The following RUNX2 variants were observed in gnomAD, a reference collection of about 807,000 sequenced individuals.
The protein encoded by RUNX2 is runt-related transcription factor 2.
RUNX2 carries 10 observed loss-of-function variants against 51.7 expected under a neutral mutation model. The observed-to-expected ratio is 0.19, with a 90% confidence interval of 0.12 to 0.33. The LOEUF (loss-of-function observed/expected upper bound fraction) is 0.33, where lower values mean the gene tolerates loss of function less well. RUNX2 is among the 10% of genes least tolerant of loss of function. The pLI, the probability that RUNX2 is intolerant of heterozygous loss-of-function variation, is 1.00. For missense variants in RUNX2, 562 were observed against 691.3 expected (o/e 0.81, Z 2.10); for synonymous variants, 276 against 273.6 (o/e 1.01, Z -0.09).
At chr6:45,411,282 G>A (rs962169951) in intron 2 of RUNX2, among the ~76,000 whole-genome samples, 12 of 152,122 alleles carry the variant, frequency 7.9e-5, no homozygotes, top group East Asian at 1.9e-4. Flanking sequence ...AATGACTGAC[G>A]GATTGTTTGG....
rs776247579 is a variant in RUNX2 at position 45,437,972 on chromosome 6, C to A, written c.606C>A (p.Thr202=). 2 of 1,613,050 alleles carry A rather than the reference C, an allele frequency of 1.2e-6. No individual in the cohort carries two copies. Among genetic ancestry groups the A allele is most frequent in the East Asian group, 2.2e-5 (1 of 44,856 alleles). ...GCAAGAGTTTCACCTTGACCATAAC[C>A]GTCTTCACAAATCCTCCCCAAGTAG... ...GRGKSFTLTI[T]VFTNPPQVAT... Residue 202 remains threonine (T), a synonymous_variant, in exon 5 of 9, where the codon ACC becomes ACA. Coordinates refer to ENST00000647337, the MANE Select transcript of RUNX2 (RefSeq NM_001024630.4).
intron 2 of RUNX2, among the ~76,000 whole-genome samples, chr6:45,344,530 G>T (rs1348250615): frequency 6.6e-6 from 1 of 151,574 alleles, no homozygotes; most frequent in African/African-American, 2.4e-5. Context: ...TGAACGTCTA[G>T]AACAGTAACA....
At chr6:45,388,235 C>T (rs1424742273) in intron 2 of RUNX2, among the ~76,000 whole-genome samples, 1 of 152,168 alleles carries the variant, frequency 6.6e-6, no homozygotes, top group Non-Finnish European at 1.5e-5. Flanking sequence ...TTGAAGCAGA[C>T]CATACCTAAT....
intron 2 of RUNX2, among the ~76,000 whole-genome samples, chr6:45,412,260 G>A (rs1213923144): frequency 1.3e-5 from 2 of 151,908 alleles, no homozygotes; most frequent in Non-Finnish European, 2.9e-5. Context: ...GGAGGCTGAG[G>A]TAGGAGGATT....
intron 2 of RUNX2, among the ~76,000 whole-genome samples, chr6:45,352,581 CTAGGAACAAAGT>C (rs1792287815): frequency 6.6e-6 from 1 of 151,964 alleles, no homozygotes; most frequent in Non-Finnish European, 1.5e-5. Flanking sequence ...ACTATTTATC[CTAGGAACAAAGT>C]ACATTTTATG....
At chr6:45,391,725 C>T (rs1797475763) in intron 2 of RUNX2, among the ~76,000 whole-genome samples, 1 of 152,126 alleles carries the variant, frequency 6.6e-6, no homozygotes. Flanking sequence ...AAGTGCCAAG[C>T]AAAGGGGAAA....
At chr6:45,404,112 T>C (rs1260919394) in intron 2 of RUNX2, among the ~76,000 whole-genome samples, 1 of 151,274 alleles carries the variant, frequency 6.6e-6, no homozygotes, top group Non-Finnish European at 1.5e-5. Context: ...ATACAAAAAT[T>C]AGCCGGGTGC....
chr6:45,469,357 G>T (rs551364768), intron 5 of RUNX2, among the ~76,000 whole-genome samples: 1 of 152,132 alleles, frequency 6.6e-6, no homozygotes, highest in South Asian at 2.1e-4. Flanking sequence ...AGAAAAGGTT[G>T]GTTTTTATTT....
At chr6:45,367,261 C>T (rs1319407950) in intron 2 of RUNX2, among the ~76,000 whole-genome samples, 8 of 151,978 alleles carry the variant, frequency 5.3e-5, no homozygotes, top group Admixed American at 2.0e-4. Context: ...GCACAAAAAG[C>T]GAAGGAAAAC....
chr6:45,478,638 ATGTGTG>A (rs35909968), intron 5 of RUNX2, among the ~76,000 whole-genome samples: 115 of 149,440 alleles, frequency 7.7e-4, no homozygotes, highest in Non-Finnish European at 1.2e-3. Context: ...TTGTGTGTAA[ATGTGTG>A]TGTGTGTGTG....
chr6:45,337,540 C>A (rs958994074), intron 2 of RUNX2, among the ~76,000 whole-genome samples: 2 of 151,784 alleles, frequency 1.3e-5, no homozygotes, highest in Non-Finnish European at 3.0e-5. Flanking sequence ...TCTTTTGCTA[C>A]GCCATAATGA....
chr6:45,334,611 C>A (rs1035368815), intron 2 of RUNX2, among the ~76,000 whole-genome samples: 2 of 151,062 alleles, frequency 1.3e-5, no homozygotes, highest in Non-Finnish European at 3.0e-5. Context: ...TATTTTTACA[C>A]CGAAACAAAA....
intron 7 of RUNX2, among the ~76,000 whole-genome samples, chr6:45,524,599 A>T (rs1801614231): frequency 6.6e-6 from 1 of 152,250 alleles, no homozygotes; most frequent in Non-Finnish European, 1.5e-5. Flanking sequence ...GCAGTGATTC[A>T]TGAAAAATCA....
chr6:45,401,724 G>A (rs1797715620), intron 2 of RUNX2, among the ~76,000 whole-genome samples: 1 of 152,196 alleles, frequency 6.6e-6, no homozygotes, highest in African/African-American at 2.4e-5. Flanking sequence ...CTGCCTTTCT[G>A]GCTAATGAAC....
intron 5 of RUNX2, among the ~76,000 whole-genome samples, chr6:45,453,577 T>C (rs1799234885): frequency 6.6e-6 from 1 of 152,214 alleles, no homozygotes; most frequent in Non-Finnish European, 1.5e-5. Flanking sequence ...GGTACTGTGA[T>C]AGAGACAGAG....
At chr6:45,441,094 G>A (rs142644523) in intron 5 of RUNX2, among the ~76,000 whole-genome samples, 1,779 of 152,224 alleles carry the variant, frequency 0.012, 18 homozygotes, top group Admixed American at 0.018. Flanking sequence ...CAATTTATAT[G>A]CAATTGTTTA....
At chr6:45,408,428 G>A (rs1008572705) in intron 2 of RUNX2, among the ~76,000 whole-genome samples, 8 of 152,008 alleles carry the variant, frequency 5.3e-5, no homozygotes, top group African/African-American at 1.9e-4. Flanking sequence ...TGTGTCTGTG[G>A]AAAATTTTCA....
Position 45,452,793 on chromosome 6 carries a change from C to A in RUNX2, c.685+14742C>A, listed in dbSNP as rs562725921. On this transcript the variant is annotated intron_variant, in intron 5 of 8. Coordinates refer to ENST00000647337, the MANE Select transcript of RUNX2 (RefSeq NM_001024630.4). ...GAAACAGACTTCGAAACAGGTGACA[C>A]AACAAGGAAGAAGGCTGAGTGGGTG... is the stretch of plus-strand genomic sequence containing the variant. Among the ~76,000 whole-genome samples, 91 of 152,260 alleles carry A rather than the reference C, an allele frequency of 6.0e-4. 1 individual carries two copies. Among genetic ancestry groups the A allele is most frequent in the African/African-American group, 1.8e-3 (76 of 41,556 alleles).
intron 2 of RUNX2, among the ~76,000 whole-genome samples, chr6:45,379,499 T>C (rs986599246): frequency 2.0e-5 from 3 of 152,192 alleles, no homozygotes; most frequent in Non-Finnish European, 4.4e-5. Flanking sequence ...ATCAGATGAG[T>C]ACCTGTTTGA....
Sources: gnomAD v4.1 joint callset for allele counts (sites outside exome capture counted in the v4.1 genomes callset) on GRCh38, gnomAD v4.1.1 for gene constraint, MANE v1.5 for transcripts, NCBI Gene and HGNC (gene_info 2026-07-23, HGNC 2026-07-21) for gene names.